ELP1: variants seen among roughly 807,000 people sequenced by gnomAD.
The protein encoded by ELP1 is elongator complex protein 1.
A neutral mutation model predicts 183.2 loss-of-function variants in ELP1; 131 were observed. That is an observed-to-expected ratio of 0.72 (90% CI 0.62 to 0.83). ELP1 has a LOEUF of 0.83. Ranked by LOEUF, ELP1 falls within the 40% of genes least tolerant of loss-of-function variation. ELP1 has a pLI of 0.00. For synonymous variants in ELP1, 555 were observed against 569.0 expected (o/e 0.98, Z 0.35); for missense variants, 1,550 against 1,594.9 (o/e 0.97, Z 0.48).
At chr9:108,902,658 C>T (rs1283534229) in intron 16 of ELP1, among the ~76,000 whole-genome samples, 181 bp downstream of exon 16, 1 of 152,178 alleles carries the variant, frequency 6.6e-6, no homozygotes, top group Non-Finnish European at 1.5e-5. Context: ...TAGACAGATA[C>T]TGATTTTCCC....
chr9:108,898,607 T>C, intron 21 of ELP1, 26 bp from the exon 22 acceptor site: 1 of 1,602,242 alleles, frequency 6.2e-7, no homozygotes, highest in Non-Finnish European at 8.5e-7. Flanking sequence ...CAAAACATCT[T>C]CGTTCAGATC....
rs2275628 is a variant in ELP1, at chr9:108,898,343, C to A, written c.2363+159G>T. On this transcript the variant is annotated intron_variant, in intron 22 of 36. Transcript: ENST00000374647. ...TTTAAACAGGCTGTTTTAAAAAGAA[C>A]GGAAAAGAGCAAAAAACCAACTGGC... Among the ~76,000 whole-genome samples, 39,384 of 151,894 alleles carry A rather than the reference C, an allele frequency of 0.26. 5,953 individuals are homozygous for A. The highest frequency in any genetic ancestry group is 0.41 in the African/African-American group (17,094 of 41,386).
chr9:108,897,346 C>G, intron 22 of ELP1, 61 bp from the exon 23 acceptor site: 1 of 1,545,800 alleles, frequency 6.5e-7, no homozygotes, highest in Admixed American at 1.7e-5. Context: ...GATCAAATTA[C>G]TAACATACAC....
intron 3 of ELP1, among the ~76,000 whole-genome samples, chr9:108,927,959 C>T (rs1490315828): frequency 6.6e-6 from 1 of 152,130 alleles, no homozygotes; most frequent in Non-Finnish European, 1.5e-5. Context: ...TAAATAAGAC[C>T]TGCTATTTGA....
chr9:108,912,769 T>A lies in ELP1; in HGVS notation c.959-275A>T, dbSNP rs539506599. Among the ~76,000 whole-genome samples, 35 of 150,396 alleles carry A rather than the reference T, an allele frequency of 2.3e-4. No individual in the cohort carries two copies. The Middle Eastern group carries it at 0.014, about 58-fold the overall frequency. On this transcript the variant is annotated intron_variant, in intron 10 of 36. Coordinates refer to ENST00000374647, the MANE Select transcript of ELP1 (RefSeq NM_003640.5). ...TTTATTTTCGTTTTTTTTTTTTTTT[T>A]ATTGACACAGAGTCTCGCTCTGCCG... is the stretch of plus-strand genomic sequence containing the variant.
Position 108,911,127 on chromosome 9 carries a change from T to C in ELP1, c.1243A>G (p.Thr415Ala). 1 of 1,614,144 alleles carries C rather than the reference T, an allele frequency of 6.2e-7. No individual in the cohort carries two copies. Residue 415 changes from threonine (T) to alanine (A), a missense_variant, in exon 12 of 37, where the codon ACC becomes GCC. Transcript: ENST00000374647. ...RQTVVPPPMC[T>A]YQLLFPHPVN... ...GGGTGTGGGAACAGCAGTTGGTAGG[T>C]GCACATGGGAGGCGGAACCACAGTC...
At chr9:108,869,253 A>T (rs1827346943) in intron 36 of ELP1, 71 bp from the exon 37 acceptor site, 1 of 1,208,776 alleles carries the variant, frequency 8.3e-7, no homozygotes, top group African/African-American at 1.5e-5. Context: ...CAGTAACTCT[A>T]AACTAAACAA....
At chr9:108,898,638 T>G (rs1366413191) in intron 21 of ELP1, 33 bp downstream of exon 21, 7 of 1,599,674 alleles carry the variant, frequency 4.4e-6, no homozygotes, top group Non-Finnish European at 6.0e-6. Flanking sequence ...AAGTACAAAG[T>G]AAGCTAGAGT....
intron 36 of ELP1, among the ~76,000 whole-genome samples, chr9:108,873,105 TA>T (rs1827550895): frequency 6.6e-6 from 1 of 152,250 alleles, no homozygotes; most frequent in African/African-American, 2.4e-5. Context: ...AATCCTTTGA[TA>T]GTCAAAATCA....
At chr9:108,880,805 C>T (rs773236282) in intron 31 of ELP1, among the ~76,000 whole-genome samples, 41 of 152,322 alleles carry the variant, frequency 2.7e-4, no homozygotes, top group Non-Finnish European at 5.3e-4. Context: ...ATGATGTTTT[C>T]AGTACCCAGT....
At chr9:108,922,780 T>C in intron 6 of ELP1, 62 bp downstream of exon 6, 1 of 1,256,878 alleles carries the variant, frequency 8.0e-7, no homozygotes, top group Non-Finnish European at 1.2e-6. Context: ...AAAGAGTTCC[T>C]GGTGGGTGGC....
At position 108,881,629 on chromosome 9, in the gene ELP1, A is replaced by G. The variant is rs940321871; in HGVS notation, c.3346+76T>C. On this transcript the variant is annotated intron_variant, in intron 31 of 36. Coordinates refer to ENST00000374647, the MANE Select transcript of ELP1 (RefSeq NM_003640.5). ...ACATATTATTAAGAAAACACAGTAA[A>G]TAGGAGGAGACTCTCTCATCTCTCT... 6 of 882,596 alleles carry G rather than the reference A, an allele frequency of 6.8e-6. No individual in the cohort carries two copies. In the African/African-American group the frequency reaches 9.9e-5, roughly 15 times the overall value. The allele number at this position is 882,596 out of a possible 1,614,324, so 54.7% of individuals were successfully genotyped here. A position where few individuals can be genotyped will look rare whatever the true frequency, so the allele number is the denominator to read the frequency against.
At chr9:108,928,713 C>T (rs1321024270) in intron 3 of ELP1, among the ~76,000 whole-genome samples, 1 of 151,932 alleles carries the variant, frequency 6.6e-6, no homozygotes, top group Non-Finnish European at 1.5e-5. Flanking sequence ...GATAAATAGA[C>T]TGGAAGAGCT....
chr9:108,920,645 G>A (rs903487431), intron 6 of ELP1, among the ~76,000 whole-genome samples: 1 of 152,158 alleles, frequency 6.6e-6, no homozygotes, highest in African/African-American at 2.4e-5. Flanking sequence ...AACAGGCTGA[G>A]GGCTAGAATA....
chr9:108,930,988 G>GT lies in ELP1; in HGVS notation c.150+8dup, dbSNP rs771847077. On this transcript the variant is annotated intron_variant, in intron 2 of 36. Transcript: ENST00000374647. ...ACCCACATGCTGGCATTCTACATCA[G>GT]TAACTTACTTCTCTTGAGACAGGGT... 1.9e-6 allele frequency: 3 copies of GT among 1,614,054 alleles called. No homozygotes were observed. The Admixed American group carries it at 5.0e-5, about 27-fold the overall frequency.
Position 108,912,753 on chromosome 9 carries a change from G to A in ELP1, c.959-259C>T, listed in dbSNP as rs12340653. ...AACTTTTATTCATATGTTTATTTTC[G>A]TTTTTTTTTTTTTTTTATTGACACA... On this transcript the variant is annotated intron_variant, in intron 10 of 36. Coordinates refer to ENST00000374647, the MANE Select transcript of ELP1 (RefSeq NM_003640.5). 2.9e-4 allele frequency among the ~76,000 whole-genome samples: 39 copies of A among 132,758 alleles called. 1 individual carries two copies. Among genetic ancestry groups the A allele is most frequent in the Admixed American group, 5.3e-4 (7 of 13,284 alleles). 87.1% of individuals were successfully genotyped at this position (132,758 alleles called of 152,430 possible).
At position 108,919,269 on chromosome 9, in the gene ELP1, A is replaced by C; in HGVS notation, c.633T>G (p.Val211=). The C allele has an allele frequency of 6.2e-7, 1 of 1,613,418 alleles. No individual in the cohort carries two copies. ...TTTCCATACCTGTTTCTGGGCAAAC[A>C]ACACTCACAGCAAAAAACTGTCCAT... ...RGDGQFFAVS[V]VCPETGARKV... is the part of the protein sequence containing the mutation. The change falls in exon 7 of 37, where the codon GTT becomes GTG. Residue 211 remains valine, a synonymous_variant. Transcript: ENST00000374647.
intron 7 of ELP1, 67 bp downstream of exon 7, chr9:108,919,186 A>G (rs1829554409): frequency 8.8e-7 from 1 of 1,132,286 alleles, no homozygotes; most frequent in East Asian, 2.6e-5. Flanking sequence ...AAAAGAAAGA[A>G]AATTTTCCTT....
chr9:108,910,549 G>C (rs928707156), intron 12 of ELP1, among the ~76,000 whole-genome samples: 1 of 152,154 alleles, frequency 6.6e-6, no homozygotes, highest in Non-Finnish European at 1.5e-5. Context: ...TTAGGAGCTA[G>C]AACACCTGTG....
Sources: allele counts gnomAD v4.1 joint callset (sites outside exome capture counted in the v4.1 genomes callset), GRCh38; gene constraint gnomAD v4.1.1; transcripts MANE v1.5; gene names NCBI Gene and HGNC (gene_info 2026-07-23, HGNC 2026-07-21).